DAAM1: variants seen among roughly 807,000 people sequenced by gnomAD.
The protein encoded by DAAM1 is dishevelled associated activator of morphogenesis 1, also known as disheveled-associated activator of morphogenesis 1.
Under a neutral mutation model 130.0 loss-of-function variants are expected in DAAM1, and 52 were observed. The ratio of observed to expected loss-of-function variants is 0.40; its 90% CI spans 0.32 to 0.50. The LOEUF (loss-of-function observed/expected upper bound fraction) is 0.50, where lower values mean the gene tolerates loss of function less well. DAAM1 is among the 20% of genes least tolerant of loss of function. The probability of loss-of-function intolerance (pLI) is 0.61; values close to 1 mark genes in which losing one functional copy is unlikely to be tolerated. For missense variants in DAAM1, 1,134 were observed against 1,303.8 expected (o/e 0.87, Z 2.01); for synonymous variants, 452 against 444.5 (o/e 1.02, Z -0.21).
intron 3 of DAAM1, among the ~76,000 whole-genome samples, chr14:59,311,473 G>A (rs1005637533): frequency 6.6e-6 from 1 of 151,296 alleles, no homozygotes; most frequent in Admixed American, 6.6e-5. Flanking sequence ...AATGCATAAT[G>A]CTTTAGAACT....
intron 4 of DAAM1, among the ~76,000 whole-genome samples, chr14:59,317,183 C>G (rs539087169): frequency 1.3e-5 from 2 of 152,216 alleles, no homozygotes; most frequent in Non-Finnish European, 2.9e-5. Flanking sequence ...CTTTGCTATA[C>G]TTTTTGTGTC....
rs1310027597 is a variant in DAAM1, at chr14:59,220,961, A to C, written c.-38+32193A>C. On this transcript the variant is annotated intron_variant, in intron 1 of 24. Transcript: ENST00000360909. The stretch of plus-strand genomic sequence containing the variant: ...CTTCTAGAAACACTCTCACAGACAC[A>C]CCCACAAATAATGTTCTACCAGCTA... 2.6e-5 allele frequency among the ~76,000 whole-genome samples: 4 copies of C among 152,314 alleles called. No homozygotes were observed. The East Asian group carries it at 7.7e-4, about 29-fold the overall frequency.
chr14:59,320,854 G>C (rs113443271), intron 5 of DAAM1, among the ~76,000 whole-genome samples: 1 of 152,092 alleles, frequency 6.6e-6, no homozygotes, highest in Admixed American at 6.6e-5. Context: ...CTCATTCATT[G>C]CTGCTAGGAA....
chr14:59,207,958 G>T (rs953120378), intron 1 of DAAM1, among the ~76,000 whole-genome samples: 1 of 151,998 alleles, frequency 6.6e-6, no homozygotes, highest in East Asian at 1.9e-4. Context: ...TTATTTTTTG[G>T]TTATAATATT....
intron 20 of DAAM1, chr14:59,357,462 CAGGT>C (rs1282427926): frequency 1.3e-5 from 2 of 152,126 alleles, no homozygotes; most frequent in Non-Finnish European, 2.9e-5. Flanking sequence ...GGGCAGATGA[CAGGT>C]AGGTTCTGTG....
At chr14:59,315,727 C>T (rs573175897) in intron 4 of DAAM1, among the ~76,000 whole-genome samples, 60 of 152,186 alleles carry the variant, frequency 3.9e-4, no homozygotes, top group Middle Eastern at 6.8e-3. Context: ...TATGATTAAG[C>T]GATTTCTTTA....
intron 21 of DAAM1, 149 bp from the exon 22 acceptor site, chr14:59,360,653 G>GTCTT: frequency 1.9e-6 from 1 of 517,788 alleles, no homozygotes; most frequent in Non-Finnish European, 3.2e-6. Context: ...AAATACTGTT[G>GTCTT]TCTTTCTTTG....
intron 1 of DAAM1, among the ~76,000 whole-genome samples, chr14:59,202,952 G>C (rs1315004759): frequency 6.6e-6 from 1 of 151,316 alleles, no homozygotes; most frequent in Non-Finnish European, 1.5e-5. Context: ...GCATAGCGTA[G>C]TATTGAAGAA....
At chr14:59,313,697 G>T (rs949934190) in intron 3 of DAAM1, among the ~76,000 whole-genome samples, 9 of 152,186 alleles carry the variant, frequency 5.9e-5, no homozygotes, top group African/African-American at 2.2e-4. Flanking sequence ...TAAATACATT[G>T]GTAAGAGTGG....
Position 59,331,244 on chromosome 14 carries a change from G to T in DAAM1, c.1596G>T (p.Ser532=). The change falls in exon 14 of 25, where the codon TCG becomes TCT. Residue 532 remains serine (S), a synonymous_variant. Transcript: ENST00000360909. The part of the protein sequence containing the change: ...AVCASIPGGP[S]PGAPGGPFPS... ...GTGCTTCAATCCCAGGTGGACCCTC[G>T]CCTGGAGCACCAGGAGGGCCCTTTC... 3.1e-6 allele frequency: 5 copies of T among 1,612,740 alleles called. No homozygotes were observed. Among genetic ancestry groups the T allele is most frequent in the Non-Finnish European group, 4.2e-6 (5 of 1,179,924 alleles).
At position 59,261,862 on chromosome 14, in the gene DAAM1, A is replaced by G. The variant is rs543437799; in HGVS notation, c.-37-1579A>G. ...GAACAAAAAAAAGTTCAAGGAAGGC[A>G]TCTGTTTTCTCACTGTCCACATTTG... On this transcript the variant is annotated intron_variant, in intron 1 of 24. Transcript: ENST00000360909. Among the ~76,000 whole-genome samples, 4 of 152,346 alleles carry G rather than the reference A, an allele frequency of 2.6e-5. 1 individual carries two copies. The South Asian group carries it at 8.3e-4, about 32-fold the overall frequency.
Position 59,288,575 on chromosome 14 carries a change from G to T in DAAM1, c.184-2642G>T, listed in dbSNP as rs142217638. ...ATCAGCAAGCAAAAAACAACCCAAT[G>T]AAAAAATGGGCAAAAGACATTAAGA... is the stretch of plus-strand genomic sequence containing the variant. On this transcript the variant is annotated intron_variant, in intron 2 of 24. Coordinates refer to ENST00000360909, the MANE Select transcript of DAAM1 (RefSeq NM_001270520.2). Among the ~76,000 whole-genome samples the T allele has an allele frequency of 6.5e-3, 994 of 152,098 alleles. 15 individuals carry two copies. Among genetic ancestry groups the T allele is most frequent in the African/African-American group, 0.023 (963 of 41,512 alleles).
At chr14:59,297,783 G>A (rs1884010877) in intron 3 of DAAM1, among the ~76,000 whole-genome samples, 1 of 152,066 alleles carries the variant, frequency 6.6e-6, no homozygotes, top group Non-Finnish European at 1.5e-5. Flanking sequence ...ATCTCTTACT[G>A]TGCCTAATTT....
intron 1 of DAAM1, among the ~76,000 whole-genome samples, chr14:59,238,715 G>C (rs1889383156): frequency 6.6e-6 from 1 of 152,158 alleles, no homozygotes; most frequent in Admixed American, 6.6e-5. Context: ...AGTGAGTAAA[G>C]CTGTAACTGA....
chr14:59,316,777 G>A (rs547097876), intron 4 of DAAM1, among the ~76,000 whole-genome samples: 4 of 151,998 alleles, frequency 2.6e-5, no homozygotes, highest in African/African-American at 9.7e-5. Flanking sequence ...CTGGCTGTTA[G>A]GAAAAAAAGA....
chr14:59,291,967 G>A (rs917460595), intron 3 of DAAM1, among the ~76,000 whole-genome samples: 4 of 152,186 alleles, frequency 2.6e-5, no homozygotes, highest in Non-Finnish European at 5.9e-5. Context: ...ATAGGGGACA[G>A]TGAAACACCA....
At chr14:59,230,428 TA>T (rs1278117324) in intron 1 of DAAM1, among the ~76,000 whole-genome samples, 6 of 151,866 alleles carry the variant, frequency 4.0e-5, no homozygotes, top group African/African-American at 1.5e-4. Flanking sequence ...ATTAAATACT[TA>T]AAAAATATAA....
At chr14:59,240,159 G>C (rs1889431773) in intron 1 of DAAM1, among the ~76,000 whole-genome samples, 2 of 152,184 alleles carry the variant, frequency 1.3e-5, no homozygotes, top group Admixed American at 1.3e-4. Context: ...TGGCTAGAGG[G>C]GGGTATGGCT....
chr14:59,191,236 T>C (rs749625675), intron 1 of DAAM1, among the ~76,000 whole-genome samples: 8 of 152,164 alleles, frequency 5.3e-5, no homozygotes, highest in Non-Finnish European at 7.3e-5. Flanking sequence ...TTTAAGTAGG[T>C]AGCTACATCC....
Sources: gnomAD v4.1 joint callset for allele counts (sites outside exome capture counted in the v4.1 genomes callset) on GRCh38, gnomAD v4.1.1 for gene constraint, MANE v1.5 for transcripts, NCBI Gene and HGNC (gene_info 2026-07-23, HGNC 2026-07-21) for gene names.